Variants in LPO observed in about 807,000 individuals in gnomAD.
LPO encodes the protein lactoperoxidase, also known as salivary peroxidase.
Under a neutral mutation model 68.4 loss-of-function variants are expected in LPO, and 70 were observed. The ratio of observed to expected loss-of-function variants is 1.02; its 90% CI spans 0.84 to 1.25. The LOEUF is 1.25. LPO is among the 50% of genes most tolerant of loss of function. The pLI is 0.00. For synonymous variants in LPO, 360 were observed against 357.6 expected, an observed-to-expected ratio of 1.01 and a Z score of -0.08; for missense variants, 873 against 908.4, an observed-to-expected ratio of 0.96 and a Z score of 0.50.
intron 9 of LPO, among the ~76,000 whole-genome samples, chr17:58,256,032 CT>C (rs1970063887): frequency 6.6e-6 from 1 of 152,172 alleles, no homozygotes; most frequent in Admixed American, 6.5e-5. Context: ...TCCCTAACCC[CT>C]GACAAGCCCT....
chr17:58,238,905 G>A (rs1195778396), intron 1 of LPO, among the ~76,000 whole-genome samples, 166 bp downstream of exon 1: 2 of 152,128 alleles, frequency 1.3e-5, no homozygotes, highest in Admixed American at 6.5e-5. Context: ...TTTGGTATAA[G>A]AGAGAATGTA....
intron 1 of LPO, among the ~76,000 whole-genome samples, chr17:58,241,574 T>A (rs998134328): frequency 9.2e-5 from 14 of 151,972 alleles, no homozygotes; most frequent in Non-Finnish European, 1.8e-4. Flanking sequence ...GGTCACAGAA[T>A]CTCTTCCTCC....
chr17:58,241,593 A>G (rs1463348761), intron 1 of LPO, among the ~76,000 whole-genome samples: 3 of 152,166 alleles, frequency 2.0e-5, no homozygotes, highest in African/African-American at 7.2e-5. Context: ...CCTTGGGGCC[A>G]TACAACTATA....
In LPO at chr17:58,242,837, C is replaced by T; in HGVS notation, c.-2-141C>T. ...AGGCCTGTGTGTATGGTAGATGCTT[C>T]ATTCGTTAATGTGGTTTCTCCTTTC... On this transcript the variant is annotated intron_variant, in intron 1 of 12. Transcript: ENST00000262290. The T allele has an allele frequency of 4.4e-6, 3 of 674,832 alleles. No homozygotes were observed. In the South Asian group the frequency reaches 5.2e-5, roughly 12 times the overall value. The allele number at this position is 674,832 out of a possible 1,614,324, so 41.8% of individuals were successfully genotyped here. A position where few individuals can be genotyped will look rare whatever the true frequency, so the allele number is the denominator to read the frequency against.
Position 58,250,637 on chromosome 17 carries a change from T to TA in LPO, c.780+17dup. 2 of 1,612,748 alleles carry TA rather than the reference T, an allele frequency of 1.2e-6. No individual in the cohort carries two copies. Among genetic ancestry groups the TA allele is most frequent in the Admixed American group, 3.3e-5 (2 of 60,016 alleles). ...CCCCATCATGGTACGGCCCTGCAGCTAGGCATCTCTGACTAGCCCCTTGCC... is the reference window on the plus strand; with the variant it reads ...CCCCATCATGGTACGGCCCTGCAGCTAAGGCATCTCTGACTAGCCCCTTGCC... On this transcript the variant is annotated intron_variant, in intron 7 of 12. Transcript: ENST00000262290.
rs1250873172 is a variant in LPO, at chr17:58,249,195, G to A, written c.443+18G>A. 3 of 1,603,508 alleles carry A rather than the reference G, an allele frequency of 1.9e-6. No homozygotes were observed. The highest frequency in any genetic ancestry group is 2.2e-5 in the East Asian group (1 of 44,810). The stretch of plus-strand genomic sequence containing the variant: ...AATAACAGGTGGCGGGGCTTGGGGT[G>A]TGGGGGCCGACCATTCCAGCCACTC... On this transcript the variant is annotated intron_variant, in intron 5 of 12. Coordinates refer to ENST00000262290, the MANE Select transcript of LPO (RefSeq NM_006151.3).
At position 58,266,308 on chromosome 17, in the gene LPO, C is replaced by T. The variant is rs758234859; in HGVS notation, c.1675C>T (p.Arg559Trp). ...GGCTGCCATCAACACACAGCGTTGC[C>T]GGGACCATGGGCAACCTGGTGAGTG... The part of the protein sequence containing the change: ...DLAAINTQRC[R>W]DHGQPGYNSW... The change falls in exon 11 of 13, where the codon CGG becomes TGG. Residue 559 changes from arginine (R) to tryptophan (W), a missense_variant. Physicochemically the swap from Arg to Trp is moderately radical, Grantham distance 101 (BLOSUM62 -3). Transcript: ENST00000262290. 3.4e-5 allele frequency: 55 copies of T among 1,613,928 alleles called. No individual in the cohort carries two copies. The highest frequency in any genetic ancestry group is 3.3e-5 in the Admixed American group (2 of 59,992).
At chr17:58,258,766 T>C (rs1458823571) in intron 9 of LPO, among the ~76,000 whole-genome samples, 1 of 152,250 alleles carries the variant, frequency 6.6e-6, no homozygotes, top group Non-Finnish European at 1.5e-5. Flanking sequence ...TTTTATCCTT[T>C]CTGATAGGTG....
At position 58,254,812 on chromosome 17, in the gene LPO, A is replaced by G. The variant is rs1316319265; in HGVS notation, c.1107A>G (p.Gly369=). The change falls in exon 9 of 13, where the codon GGA becomes GGG. Residue 369 remains glycine, a splice_region_variant and synonymous_variant. Coordinates refer to ENST00000262290, the MANE Select transcript of LPO (RefSeq NM_006151.3). The stretch of plus-strand genomic sequence containing the variant: ...CCTTCCTGCCTTCTGGGCTTTCAGG[A>G]GATTCTCGAGCCTCAGAGCATATTC... ...TTARVPCFLA[G]DSRASEHILL... The G allele has an allele frequency of 1.9e-6, 3 of 1,613,670 alleles. No homozygotes were observed. The African/African-American group carries it at 4.0e-5, about 22-fold the overall frequency.
intron 4 of LPO, among the ~76,000 whole-genome samples, chr17:58,248,217 A>G (rs1259052869): frequency 2.0e-5 from 3 of 152,186 alleles, no homozygotes; most frequent in African/African-American, 7.2e-5. Flanking sequence ...TGGTCCTGAC[A>G]GGAGGAAAAG....
chr17:58,264,003 G>A (rs183747177), intron 9 of LPO, among the ~76,000 whole-genome samples: 6 of 152,254 alleles, frequency 3.9e-5, no homozygotes. Context: ...CTGCACCTGA[G>A]CTCCTTATGG....
chr17:58,243,389 C>A, intron 2 of LPO: 1 of 281,452 alleles, frequency 3.6e-6, no homozygotes, highest in Non-Finnish European at 6.7e-6. Flanking sequence ...GATGCTAAGG[C>A]AGTATGACCT....
rs771671497 is a variant in LPO, at chr17:58,254,793, T to G, written c.1106-18T>G. ...GGCTGTTAGGGAGAATCTACCTTCCTGCCTTCTGGGCTTTCAGGAGATTCT... is the reference window on the plus strand; with the variant it reads ...GGCTGTTAGGGAGAATCTACCTTCCGGCCTTCTGGGCTTTCAGGAGATTCT... On this transcript the variant is annotated intron_variant, in intron 8 of 12. Coordinates refer to ENST00000262290, the MANE Select transcript of LPO (RefSeq NM_006151.3). 6.2e-7 allele frequency: 1 copy of G among 1,613,428 alleles called. No individual in the cohort carries two copies. Among genetic ancestry groups the G allele is most frequent in the Non-Finnish European group, 8.5e-7 (1 of 1,179,612 alleles).
At chr17:58,251,813 T>G (rs1009743674) in intron 7 of LPO, 1 of 542,274 alleles carries the variant, frequency 1.8e-6, no homozygotes, top group Non-Finnish European at 3.6e-6. Context: ...TCCTGGCACA[T>G]GGTAAGTCCA....
chr17:58,241,125 C>CTTTTTTTTTTTTTTT (rs1161572564), intron 1 of LPO, among the ~76,000 whole-genome samples: 8 of 91,306 alleles, frequency 8.8e-5, no homozygotes, highest in African/African-American at 1.7e-4. Flanking sequence ...TTTCTTTTTT[C>CTTTTTTTTTTTTTTT]TTTTTTTTTT....
At position 58,243,068 on chromosome 17, in the gene LPO, C is replaced by T. The variant is rs947796911; in HGVS notation, c.76+13C>T. 2 of 1,613,218 alleles carry T rather than the reference C, an allele frequency of 1.2e-6. No homozygotes were observed. The highest frequency in any genetic ancestry group is 2.7e-5 in the African/African-American group (2 of 74,910). On this transcript the variant is annotated intron_variant, in intron 2 of 12. Coordinates refer to ENST00000262290, the MANE Select transcript of LPO (RefSeq NM_006151.3). ...TCTACCACAAGAGGTGAGTGTCTCC[C>T]TTTACGGGTTTTCTGGGGCTGCTGT...
At chr17:58,250,274 T>TA (rs1222186470) in intron 6 of LPO, 141 bp from the exon 7 acceptor site, 1 of 700,896 alleles carries the variant, frequency 1.4e-6, no homozygotes, top group African/African-American at 1.7e-5. Flanking sequence ...CAGAATAGGC[T>TA]AATGCCACCC....
Position 58,244,033 on chromosome 17 carries a change from G to C in LPO, c.116G>C (p.Ser39Thr). ...ACCTCTGCCATCTCCGATACTGTGA[G>C]TCAGGCCAAGGTCCAAGTCAACAAG... ...TRTSAISDTV[S>T]QAKVQVNKAF... The change falls in exon 3 of 13, where the codon AGT (serine) becomes ACT (threonine). Residue 39 changes from serine to threonine, a missense_variant. Physicochemically the swap from Ser to Thr is moderately conservative, Grantham distance 58 (BLOSUM62 1). Coordinates refer to ENST00000262290, the MANE Select transcript of LPO (RefSeq NM_006151.3). The C allele has an allele frequency of 6.2e-7, 1 of 1,613,690 alleles. No individual in the cohort carries two copies. Among genetic ancestry groups the C allele is most frequent in the Non-Finnish European group, 8.5e-7 (1 of 1,179,960 alleles).
At chr17:58,262,180 T>C (rs985502640) in intron 9 of LPO, among the ~76,000 whole-genome samples, 2 of 152,230 alleles carry the variant, frequency 1.3e-5, no homozygotes, top group African/African-American at 4.8e-5. Flanking sequence ...TTAGCCATTG[T>C]TTAAGGATAG....
Sources: allele counts gnomAD v4.1 joint callset (sites outside exome capture counted in the v4.1 genomes callset), GRCh38; gene constraint gnomAD v4.1.1; transcripts MANE v1.5; gene names NCBI Gene and HGNC (gene_info 2026-07-23, HGNC 2026-07-21).